SHLD2: variants seen among roughly 807,000 people sequenced by gnomAD.
The protein encoded by SHLD2 is shieldin complex subunit 2.
In SHLD2, 30 loss-of-function variants were observed where a neutral mutation model predicts 73.2. The observed-to-expected ratio is 0.41, with a 90% confidence interval of 0.31 to 0.56. SHLD2 has a LOEUF of 0.56. SHLD2 is among the 20% of genes least tolerant of loss of function. The probability of loss-of-function intolerance (pLI) is 0.28; values close to 1 mark genes in which losing one functional copy is unlikely to be tolerated. For synonymous variants in SHLD2, 285 were observed against 370.1 expected (o/e 0.77, Z 2.64); for missense variants, 745 against 1,055.9 (o/e 0.71, Z 4.08).
chr10:87,150,691 C>T (rs1281192086), intron 2 of SHLD2, among the ~76,000 whole-genome samples: 2 of 151,508 alleles, frequency 1.3e-5, no homozygotes, highest in South Asian at 2.1e-4. Context: ...ACCTGGGAGG[C>T]GGACGTTGCA....
intron 1 of SHLD2, 58 bp from the exon 2 acceptor site, chr10:87,096,871 ATATTT>A (rs1841935597): frequency 6.6e-6 from 1 of 152,226 alleles, no homozygotes; most frequent in Non-Finnish European, 1.5e-5. Context: ...GGTGGAACTT[ATATTT>A]TACCTTACTT....
intron 3 of SHLD2, among the ~76,000 whole-genome samples, chr10:87,156,670 A>G (rs528927964): frequency 1.3e-5 from 2 of 152,328 alleles, no homozygotes; most frequent in South Asian, 2.1e-4. Context: ...TTACCATGTC[A>G]CTAATCCAAC....
intron 8 of SHLD2, among the ~76,000 whole-genome samples, chr10:87,185,912 T>TG (rs1362949953): frequency 3.9e-5 from 6 of 152,322 alleles, no homozygotes; most frequent in Middle Eastern, 6.8e-3. Context: ...CTCATTGTGT[T>TG]GCCCAGGCTG....
chr10:87,101,918 A>G (rs1004406972), intron 2 of SHLD2, among the ~76,000 whole-genome samples: 1 of 152,156 alleles, frequency 6.6e-6, no homozygotes, highest in African/African-American at 2.4e-5. Context: ...GTATGCTTCA[A>G]CCTTACTGAA....
intron 2 of SHLD2, among the ~76,000 whole-genome samples, chr10:87,111,016 GTAT>G (rs1842885634): frequency 6.6e-6 from 1 of 151,738 alleles, no homozygotes; most frequent in African/African-American, 2.4e-5. Context: ...GCTAATTTTT[GTAT>G]TATTAGAAGA....
intron 4 of SHLD2, among the ~76,000 whole-genome samples, chr10:87,170,027 A>G (rs1407454558): frequency 6.6e-6 from 1 of 152,140 alleles, no homozygotes; most frequent in African/African-American, 2.4e-5. Flanking sequence ...CAGGGAGAGA[A>G]CCAGTGAGGT....
chr10:87,162,040 G>T (rs1420525709), intron 4 of SHLD2, among the ~76,000 whole-genome samples: 4 of 151,580 alleles, frequency 2.6e-5, no homozygotes, highest in Non-Finnish European at 1.5e-5. Context: ...AATAAATGGT[G>T]CTGAGACAAC....
intron 4 of SHLD2, among the ~76,000 whole-genome samples, chr10:87,162,199 G>T (rs978425710): frequency 6.6e-6 from 1 of 152,178 alleles, no homozygotes; most frequent in Non-Finnish European, 1.5e-5. Context: ...TAATCTTGGT[G>T]TAGGGAAAGG....
At chr10:87,094,827 T>C, upstream of SHLD2, 2 of 1,320,750 alleles carry the variant, frequency 1.5e-6, no homozygotes, top group Non-Finnish European at 1.0e-6. The surrounding 1 kb of genome is among the most constrained non-coding windows in gnomAD (Gnocchi z 6.6). Flanking sequence ...TTTCTCAGAC[T>C]CCCCGCGACT....
At chr10:87,144,905 C>T (rs1393579435) in intron 2 of SHLD2, among the ~76,000 whole-genome samples, 1 of 139,272 alleles carries the variant, frequency 7.2e-6, no homozygotes, top group Non-Finnish European at 1.5e-5. Context: ...GGATTGATTA[C>T]AGGCGTGAGC....
intron 7 of SHLD2, 85 bp downstream of exon 7, chr10:87,176,180 G>A: frequency 2.9e-5 from 44 of 1,515,232 alleles, no homozygotes; most frequent in Non-Finnish European, 3.8e-5. Context: ...GGAATACAGT[G>A]GTGTGAACAC....
intron 2 of SHLD2, among the ~76,000 whole-genome samples, chr10:87,109,016 G>C (rs549153699): frequency 6.6e-6 from 1 of 152,292 alleles, no homozygotes; most frequent in Admixed American, 6.5e-5. Flanking sequence ...CAACACATCT[G>C]TGCATGCTGG....
chr10:87,159,839 G>C (rs778287303), intron 4 of SHLD2, among the ~76,000 whole-genome samples: 1 of 152,114 alleles, frequency 6.6e-6, no homozygotes, highest in Non-Finnish European at 1.5e-5. Flanking sequence ...ATGTTTCAAG[G>C]CATGTTAAGT....
rs529180121 is a variant in SHLD2, at chr10:87,183,030, G to A, written c.2399+2727G>A. Among the ~76,000 whole-genome samples the A allele has an allele frequency of 4.6e-5, 7 of 152,302 alleles. No homozygotes were observed. In the South Asian group the frequency reaches 1.2e-3, roughly 27 times the overall value. On this transcript the variant is annotated intron_variant, in intron 8 of 9. Transcript: ENST00000298786. Reference sequence around the variant, plus strand: ...GTGAGTTAGCTGTGCGTTGGAGAGTGGATTAGAATGAAGCTAGTGCAGAGA... The same window carrying A: ...GTGAGTTAGCTGTGCGTTGGAGAGTAGATTAGAATGAAGCTAGTGCAGAGA...
At chr10:87,133,817 A>G (rs1161128782) in intron 2 of SHLD2, among the ~76,000 whole-genome samples, 2 of 152,268 alleles carry the variant, frequency 1.3e-5, no homozygotes, top group African/African-American at 2.4e-5. Context: ...ATATGCAACA[A>G]TAACTTTCTG....
At chr10:87,126,679 G>A (rs1245949624) in intron 2 of SHLD2, among the ~76,000 whole-genome samples, 1 of 152,068 alleles carries the variant, frequency 6.6e-6, no homozygotes, top group Non-Finnish European at 1.5e-5. Flanking sequence ...AGTGATGTGT[G>A]ACCAAAATAT....
chr10:87,116,150 A>G (rs1843243197), intron 2 of SHLD2, among the ~76,000 whole-genome samples: 1 of 152,204 alleles, frequency 6.6e-6, no homozygotes. Flanking sequence ...GAGTCTCCAT[A>G]ATAGAAATAA....
At position 87,170,581 on chromosome 10, in the gene SHLD2, G is replaced by A. The variant is rs755721302; in HGVS notation, c.1737G>A (p.Val579=). ...RDLPPRQPQR[V]NSIDFVELEH... is the part of the protein sequence containing the mutation. The stretch of plus-strand genomic sequence containing the variant: ...TTCCTCCGAGGCAGCCTCAGAGGGT[G>A]AACAGTATAGACTTTGTAGAATTGG... The change falls in exon 5 of 10, where the codon GTG becomes GTA. Residue 579 remains valine (V), a synonymous_variant. Coordinates refer to ENST00000298786, the MANE Select transcript of SHLD2 (RefSeq NM_001330112.2). The A allele has an allele frequency of 2.5e-6, 4 of 1,613,662 alleles. No individual in the cohort carries two copies. The highest frequency in any genetic ancestry group is 3.4e-6 in the Non-Finnish European group (4 of 1,179,814).
At chr10:87,144,765 T>C (rs1391669754) in intron 2 of SHLD2, among the ~76,000 whole-genome samples, 2 of 149,078 alleles carry the variant, frequency 1.3e-5, no homozygotes, top group African/African-American at 2.5e-5. Context: ...TAGCTGGGAC[T>C]ACAGGCGCCC....
Sources: gnomAD v4.1 joint callset for allele counts (sites outside exome capture counted in the v4.1 genomes callset) on GRCh38, gnomAD v4.1.1 for gene constraint, Gnocchi (gnomAD v3.1) non-coding constraint, MANE v1.5 for transcripts, NCBI Gene and HGNC (gene_info 2026-07-23, HGNC 2026-07-21) for gene names.